SYTL4: variants seen among roughly 807,000 people sequenced by gnomAD.
SYTL4 encodes synaptotagmin like 4.
In SYTL4, 16 loss-of-function variants were observed where a neutral mutation model predicts 52.7. The ratio of observed to expected loss-of-function variants is 0.30; its 90% CI spans 0.21 to 0.46. SYTL4 has a LOEUF of 0.46. Ranked by LOEUF, SYTL4 falls within the 20% of genes least tolerant of loss-of-function variation. SYTL4 has a pLI of 1.00. For synonymous variants in SYTL4, 160 were observed against 186.6 expected, an observed-to-expected ratio of 0.86 and a Z score of 1.16; for missense variants, 423 against 519.9, an observed-to-expected ratio of 0.81 and a Z score of 1.81.
intron 2 of SYTL4, among the ~76,000 whole-genome samples, chrX:100,716,124 G>A (rs1045803419): frequency 2.8e-5 from 3 of 108,620 alleles, no homozygotes; most frequent in African/African-American, 6.7e-5. Context: ...ACCGATGGGC[G>A]GGGGACTAGT....
chrX:100,731,661 C>G (rs924473812), intron 1 of SYTL4, 156 bp from the exon 2 acceptor site: 1 of 112,129 alleles, frequency 8.9e-6, no homozygotes, highest in Non-Finnish European at 1.9e-5. Context: ...CGAGGGGAGC[C>G]GAAGAGGAGA....
intron 2 of SYTL4, among the ~76,000 whole-genome samples, chrX:100,727,758 T>C (rs1005963830): frequency 9.0e-6 from 1 of 111,212 alleles, no homozygotes; most frequent in Non-Finnish European, 1.9e-5. Flanking sequence ...ATGAATTAAA[T>C]TGGGTGGAGA....
Position 100,703,843 on chromosome X carries a change from G to T in SYTL4, c.-163-658C>A, listed in dbSNP as rs190365794. 5.7e-3 allele frequency among the ~76,000 whole-genome samples: 635 copies of T among 112,014 alleles called. 8 individuals are homozygous for T. Among genetic ancestry groups the T allele is most frequent in the African/African-American group, 0.019 (595 of 30,862 alleles). ...AAGTAGTTGTAGGACAATAAAAAAT[G>T]ATCTTTTATAAAGAATTTATCTAAA... is the stretch of plus-strand genomic sequence containing the variant. On this transcript the variant is annotated intron_variant, in intron 3 of 19. Coordinates refer to ENST00000372989, the MANE Select transcript of SYTL4 (RefSeq NM_001370165.1).
At chrX:100,723,256 ATCGCAGGCGCGCGCCGCCACGCCT>A (rs1262937660) in intron 2 of SYTL4, among the ~76,000 whole-genome samples, 1 of 111,726 alleles carries the variant, frequency 9.0e-6, no homozygotes, top group Non-Finnish European at 1.9e-5. Context: ...AGTGCCTGCG[ATCGCAGGCGCGCGCCGCCACGCCT>A]GACTGGTTTT....
rs2083277120 is a variant in SYTL4, at chrX:100,676,316, C to G, written c.1868-140G>C. 8.5e-6 allele frequency: 5 copies of G among 587,428 alleles called. No individual in the cohort carries two copies. The East Asian group carries it at 1.7e-4, about 20-fold the overall frequency. 48.4% of individuals were successfully genotyped at this position (587,428 alleles called of 1,213,427 possible). On this transcript the variant is annotated intron_variant, in intron 19 of 19. Coordinates refer to ENST00000372989, the MANE Select transcript of SYTL4 (RefSeq NM_001370165.1). ...AATGGCCACAGCAGTCTGGGAAGTG[C>G]TCCCTCACCTGTATTCCTGAGACTC...
At chrX:100,717,357 A>C (rs1279821524) in intron 2 of SYTL4, among the ~76,000 whole-genome samples, 1 of 113,127 alleles carries the variant, frequency 8.8e-6, no homozygotes, top group Non-Finnish European at 1.9e-5. Context: ...TAGAAAGAGA[A>C]TATCCAGCAG....
chrX:100,707,258 T>C (rs747411408), intron 2 of SYTL4, among the ~76,000 whole-genome samples: 1 of 112,228 alleles, frequency 8.9e-6, no homozygotes, highest in South Asian at 3.7e-4. Flanking sequence ...CAGACCAGTC[T>C]CTGACTTCGA....
intron 12 of SYTL4, among the ~76,000 whole-genome samples, chrX:100,689,225 A>T (rs1323305541): frequency 4.7e-5 from 5 of 106,623 alleles, no homozygotes; most frequent in African/African-American, 1.0e-4. Context: ...AAAAAAAAAA[A>T]TTAGCTGGGT....
chrX:100,719,247 T>C (rs1185128588), intron 2 of SYTL4, among the ~76,000 whole-genome samples: 1 of 111,867 alleles, frequency 8.9e-6, no homozygotes, highest in Non-Finnish European at 1.9e-5. Flanking sequence ...TAAATTATTA[T>C]GTCCACTTTA....
chrX:100,729,188 T>G (rs916904363), intron 2 of SYTL4, among the ~76,000 whole-genome samples: 3 of 111,374 alleles, frequency 2.7e-5, no homozygotes, highest in African/African-American at 9.8e-5. Context: ...CTGGGTAGGC[T>G]TAGTTTCAGG....
chrX:100,699,372 GAAAAGAAAAGA>G (rs1420516621), intron 8 of SYTL4, among the ~76,000 whole-genome samples: 20 of 39,101 alleles, frequency 5.1e-4, no homozygotes, highest in African/African-American at 1.3e-3. Context: ...CGTCTCAAAA[GAAAAGAAAAGA>G]AAAAGAAAAG....
intron 13 of SYTL4, chrX:100,688,066 T>C: frequency 4.1e-6 from 1 of 242,483 alleles, no homozygotes; most frequent in Non-Finnish European, 7.4e-6. Flanking sequence ...CTTCATAGCC[T>C]GGGTACCCCT....
intron 8 of SYTL4, among the ~76,000 whole-genome samples, chrX:100,697,049 A>G (rs947711713): frequency 8.9e-6 from 1 of 112,261 alleles, no homozygotes; most frequent in African/African-American, 3.2e-5. Flanking sequence ...CAATGTAGCA[A>G]TTTGCAGATT....
rs1488674753 is a variant in SYTL4 at position 100,724,198 on chromosome X, GGTCA to G, written c.-240+7216_-240+7219del. Among the ~76,000 whole-genome samples, 928 of 99,394 alleles carry G rather than the reference GGTCA, an allele frequency of 9.3e-3. 22 individuals carry two copies. The highest frequency in any genetic ancestry group is 0.073 in the South Asian group (140 of 1,920). The allele number at this position is 99,394 out of a possible 115,157, so 86.3% of individuals were successfully genotyped here. ...GCCCCGTCCGGGAGGGAGGTGGGGG[GGTCA>G]TCAGCTCCCCCGCCCGGCCAGCCGC... is the stretch of plus-strand genomic sequence containing the variant. On this transcript the variant is annotated intron_variant, in intron 2 of 19. Coordinates refer to ENST00000372989, the MANE Select transcript of SYTL4 (RefSeq NM_001370165.1).
At chrX:100,707,106 T>TATTA (rs1355911271) in intron 2 of SYTL4, among the ~76,000 whole-genome samples, 3 of 111,331 alleles carry the variant, frequency 2.7e-5, no homozygotes, top group Non-Finnish European at 5.7e-5. Context: ...GAGCTTGATT[T>TATTA]AATAGGAATA....
At chrX:100,712,537 T>C (rs2084094753) in intron 2 of SYTL4, among the ~76,000 whole-genome samples, 1 of 112,152 alleles carries the variant, frequency 8.9e-6, no homozygotes, top group Non-Finnish European at 1.9e-5. Context: ...TTTCAACAAG[T>C]AGTGCTGGAA....
chrX:100,686,102 A>G lies in SYTL4; in HGVS notation c.1337T>C (p.Val446Ala). ...TCTGCCAAAACGACCATGATGCCAA[A>G]CTGAGAACTGCAGGGTCCTCTGGGC... Reference protein sequence around the residue: ...LLAQRTLQFSVWHHGRFGRNT... With the variant: ...LLAQRTLQFSAWHHGRFGRNT... Residue 446 changes from valine to alanine, a missense_variant, in exon 16 of 20, where the codon GTT becomes GCT. Physicochemically the swap from Val to Ala is moderately conservative, Grantham distance 64 (BLOSUM62 0). Transcript: ENST00000372989. 2 of 1,210,613 alleles carry G rather than the reference A, an allele frequency of 1.7e-6. No individual in the cohort carries two copies. Among genetic ancestry groups the G allele is most frequent in the Non-Finnish European group, 2.2e-6 (2 of 894,953 alleles).
At chrX:100,686,933 A>T (rs1309217130) in intron 14 of SYTL4, 134 bp downstream of exon 14, 1 of 885,716 alleles carries the variant, frequency 1.1e-6, no homozygotes, top group African/African-American at 2.0e-5. Flanking sequence ...GCTTTTTCCC[A>T]ATCCTGGTTC....
chrX:100,688,155 G>T (rs1368779036), intron 13 of SYTL4, 196 bp downstream of exon 13: 2 of 374,916 alleles, frequency 5.3e-6, no homozygotes, highest in Non-Finnish European at 4.6e-6. Context: ...ATCTCCAGGT[G>T]GGGGCTCAGG....
Sources: allele counts gnomAD v4.1 joint callset (sites outside exome capture counted in the v4.1 genomes callset), GRCh38; gene constraint gnomAD v4.1.1; transcripts MANE v1.5; gene names NCBI Gene and HGNC (gene_info 2026-07-23, HGNC 2026-07-21).